C12orf71: variants seen among roughly 807,000 people sequenced by gnomAD.
C12orf71 encodes chromosome 12 open reading frame 71.
C12orf71 carries 10 observed loss-of-function variants against 11.7 expected under a neutral mutation model. That is an observed-to-expected ratio of 0.86 (90% CI 0.53 to 1.45). The LOEUF is 1.45. C12orf71 is among the 40% of genes most tolerant of loss of function. C12orf71 has a pLI of 0.00. For synonymous variants in C12orf71, 110 were observed against 123.4 expected, an observed-to-expected ratio of 0.89 and a Z score of 0.72; for missense variants, 293 against 325.8, an observed-to-expected ratio of 0.90 and a Z score of 0.78.
In C12orf71 at chr12:27,082,346, G is replaced by A. The variant is rs12228215; in HGVS notation, c.138C>T (p.Ser46=). The change falls in exon 1 of 2, where the codon TCC becomes TCT. Residue 46 remains serine, a synonymous_variant. Transcript: ENST00000429849. ...GCAGAAAGTGGATGGAAGGACCCTT[G>A]GAAGGTGCATCTTCCCAGGAGGTTG... ...EDTTSWEDAP[S]KGPSIHFLPP... is the part of the protein sequence containing the mutation. 128,301 of 1,599,322 alleles carry A rather than the reference G, an allele frequency of 0.08. 5,837 individuals carry two copies. The highest frequency in any genetic ancestry group is 0.093 in the Non-Finnish European group (109,164 of 1,173,626).
chr12:27,083,972 A>G (rs1941957712), upstream of C12orf71, among the ~76,000 whole-genome samples: 1 of 152,206 alleles, frequency 6.6e-6, no homozygotes, highest in Non-Finnish European at 1.5e-5. Context: ...GCGCACACAC[A>G]GACACACACA....
chr12:27,083,832 T>C (rs1318555076), upstream of C12orf71, among the ~76,000 whole-genome samples: 11 of 152,246 alleles, frequency 7.2e-5, no homozygotes, highest in Middle Eastern at 6.3e-3. Flanking sequence ...CAAATTACTT[T>C]CCAGAAGGTT....
Position 27,082,066 on chromosome 12 carries a change from T to C in C12orf71, c.418A>G (p.Ile140Val), listed in dbSNP as rs708167. Residue 140 changes from isoleucine (I) to valine (V), a missense_variant, in exon 1 of 2, where the codon ATA becomes GTA. Coordinates refer to ENST00000429849, the MANE Select transcript of C12orf71 (RefSeq NM_001080406.2). ...TCATCTTTCAGATTTTCTAGAAATATCTGAAACTCTTGCACAAGATTATTC... is the reference window on the plus strand; with the variant it reads ...TCATCTTTCAGATTTTCTAGAAATACCTGAAACTCTTGCACAAGATTATTC... ...KLNNLVQEFQ[I>V]FLENLKDDDA... 658,676 of 1,604,590 alleles carry C rather than the reference T, an allele frequency of 0.41. 146,908 individuals are homozygous for C. Among genetic ancestry groups the C allele is most frequent in the Non-Finnish European group, 0.47 (550,632 of 1,174,572 alleles).
At chr12:27,081,574 G>T in intron 1 of C12orf71, 107 bp from the exon 2 acceptor site, 1 of 1,079,954 alleles carries the variant, frequency 9.3e-7, no homozygotes, top group Non-Finnish European at 1.3e-6. Context: ...AATAGCCCAA[G>T]TGTCAATGCA....
chr12:27,081,840 C>T, intron 1 of C12orf71, 128 bp downstream of exon 1: 5 of 1,000,598 alleles, frequency 5.0e-6, no homozygotes, highest in Non-Finnish European at 7.6e-6. Flanking sequence ...TGAGGCATCT[C>T]TGCTCTCCTC....
chr12:27,082,277 G>T lies in C12orf71; in HGVS notation c.207C>A (p.Arg69=). Residue 69 remains arginine (R), a synonymous_variant, in exon 1 of 2, where the codon CGC becomes CGA. Transcript: ENST00000429849. ...CCTGAATTTGGTCTTGTCTCTTCAT[G>T]CGTCTCCCTATCCTTTCAGTCCCCC... The part of the protein sequence containing the change: ...GAWGTERIGR[R]MKRQDQIQDE... The T allele has an allele frequency of 1.9e-6, 3 of 1,609,712 alleles. No homozygotes were observed. Among genetic ancestry groups the T allele is most frequent in the Non-Finnish European group, 2.5e-6 (3 of 1,177,876 alleles).
chr12:27,082,572 T>A lies in C12orf71; in HGVS notation c.-89A>T. 4 of 1,030,046 alleles carry A rather than the reference T, an allele frequency of 3.9e-6. No individual in the cohort carries two copies. The highest frequency in any genetic ancestry group is 5.3e-6 in the Non-Finnish European group (4 of 754,364). 63.8% of individuals were successfully genotyped at this position (1,030,046 alleles called of 1,614,324 possible). A position where few individuals can be genotyped will look rare whatever the true frequency, so the allele number is the denominator to read the frequency against. On this transcript the variant is annotated 5_prime_UTR_variant, in exon 1 of 2. It removes an upstream start codon present in the reference 5' UTR. Coordinates refer to ENST00000429849, the MANE Select transcript of C12orf71 (RefSeq NM_001080406.2). ...GGTGGGACTAAGGAGAAGAGAGTCA[T>A]AGTACTTAAGCAAAAACATTATCCA...
Position 27,082,174 on chromosome 12 carries a change from T to C in C12orf71, c.310A>G (p.Arg104Gly). The change falls in exon 1 of 2, where the codon AGA becomes GGA. Residue 104 changes from arginine (R) to glycine (G), a missense_variant. By Grantham distance (125) the Arg-to-Gly change is moderately radical (BLOSUM62 -2). Coordinates refer to ENST00000429849, the MANE Select transcript of C12orf71 (RefSeq NM_001080406.2). ...TCTCCATTTAGAAGCCTATTAGCTC[T>C]TGAGTCTGTGTTATCGGAGCCAATG... The part of the protein sequence containing the change: ...VDIGSDNTDS[R>G]ANRLLNGDNL... 6.2e-7 allele frequency: 1 copy of C among 1,613,882 alleles called. No homozygotes were observed. Among genetic ancestry groups the C allele is most frequent in the Non-Finnish European group, 8.5e-7 (1 of 1,179,744 alleles).
intron 1 of C12orf71, 54 bp downstream of exon 1, chr12:27,081,914 T>A: frequency 6.6e-7 from 1 of 1,520,798 alleles, no homozygotes; most frequent in Non-Finnish European, 8.9e-7. Context: ...CTTTATTTTC[T>A]GGTGGCTTGC....
upstream of C12orf71, among the ~76,000 whole-genome samples, chr12:27,084,113 C>CT (rs1181846492): frequency 3.9e-5 from 6 of 152,190 alleles, no homozygotes; most frequent in African/African-American, 1.2e-4. Flanking sequence ...AAAAGTCCAG[C>CT]TGTCAGAAGT....
In C12orf71 at chr12:27,081,429, A is replaced by T. The variant is rs202038202; in HGVS notation, c.555T>A (p.Ala185=). The T allele has an allele frequency of 6.2e-7, 1 of 1,613,426 alleles. No homozygotes were observed. The highest frequency in any genetic ancestry group is 1.7e-5 in the Admixed American group (1 of 59,982). Residue 185 remains alanine, a synonymous_variant, in exon 2 of 2, where the codon GCT becomes GCA. Coordinates refer to ENST00000429849, the MANE Select transcript of C12orf71 (RefSeq NM_001080406.2). ...CTGACAGGATTGAGGAGATCTCTGG[A>T]GCGCTTGTCCTTTGGCTGGCGGTTG... is the stretch of plus-strand genomic sequence containing the variant. ...SQATASQRTS[A]PEISSILSEQ... is the part of the protein sequence containing the mutation.
At chr12:27,083,807 T>C (rs1454079591), upstream of C12orf71, among the ~76,000 whole-genome samples, 6 of 152,252 alleles carry the variant, frequency 3.9e-5, no homozygotes, top group Non-Finnish European at 7.3e-5. Flanking sequence ...ATTAAAGTCT[T>C]GTGGTAGTTG....
chr12:27,082,546 A>C lies in C12orf71; in HGVS notation c.-63T>G. ...CTTCAAAAAAGAAAAAAGAAAAAAT[A>C]GGTGGGACTAAGGAGAAGAGAGTCA... On this transcript the variant is annotated 5_prime_UTR_variant, in exon 1 of 2. Transcript: ENST00000429849. The C allele has an allele frequency of 3.8e-6, 5 of 1,328,950 alleles. No homozygotes were observed. The highest frequency in any genetic ancestry group is 5.0e-6 in the Non-Finnish European group (5 of 1,000,882). The allele number at this position is 1,328,950 out of a possible 1,614,324, so 82.3% of individuals were successfully genotyped here. A position where few individuals can be genotyped will look rare whatever the true frequency, so the allele number is the denominator to read the frequency against.
At chr12:27,081,822 C>G in intron 1 of C12orf71, 146 bp downstream of exon 1, 1 of 890,342 alleles carries the variant, frequency 1.1e-6, no homozygotes, top group South Asian at 1.4e-5. Flanking sequence ...CTATCCCTTC[C>G]TGTCCTGTGA....
In C12orf71 at chr12:27,081,756, C is replaced by A. The variant is rs956836704; in HGVS notation, c.516+212G>T. ...TGTCTCCCACTGGTATCACGTCAGT[C>A]CCCCTGGGACCTGCCTCCTCCTAGT... On this transcript the variant is annotated intron_variant, in intron 1 of 1. Transcript: ENST00000429849. 1.8e-5 allele frequency: 13 copies of A among 719,778 alleles called. 1 individual carries two copies. In the South Asian group the frequency reaches 1.9e-4, roughly 11 times the overall value. 44.6% of individuals were successfully genotyped at this position (719,778 alleles called of 1,614,324 possible).
chr12:27,082,530 A>C lies in C12orf71; in HGVS notation c.-47T>G. The C allele has an allele frequency of 7.1e-7, 1 of 1,411,458 alleles. No individual in the cohort carries two copies. Among genetic ancestry groups the C allele is most frequent in the Non-Finnish European group, 9.3e-7 (1 of 1,071,970 alleles). The allele number at this position is 1,411,458 out of a possible 1,614,324, so 87.4% of individuals were successfully genotyped here. On this transcript the variant is annotated 5_prime_UTR_variant, in exon 1 of 2. Transcript: ENST00000429849. ...CTCTCAACTTGAGAAGCTTCAAAAA[A>C]GAAAAAAGAAAAAATAGGTGGGACT...
rs556133776 is a variant in C12orf71 at position 27,081,456 on chromosome 12, C to T, written c.528G>A (p.Gln176=). The T allele has an allele frequency of 5.0e-5, 81 of 1,608,372 alleles. 2 individuals carry two copies. In the South Asian group the frequency reaches 8.8e-4, roughly 18 times the overall value. The change falls in exon 2 of 2, where the codon CAG becomes CAA. Residue 176 remains glutamine (Q), a synonymous_variant. Coordinates refer to ENST00000429849, the MANE Select transcript of C12orf71 (RefSeq NM_001080406.2). ...SPPEMVQMIS[Q]ATASQRTSAP... ...CGCTTGTCCTTTGGCTGGCGGTTGC[C>T]TGGCTTATCATCTGCCATGAAAATG...
At chr12:27,083,669 C>G (rs1941955185), upstream of C12orf71, among the ~76,000 whole-genome samples, 1 of 152,180 alleles carries the variant, frequency 6.6e-6, no homozygotes, top group African/African-American at 2.4e-5. Flanking sequence ...TATATGGTTA[C>G]TCTGCAATTT....
upstream of C12orf71, among the ~76,000 whole-genome samples, chr12:27,082,687 G>A (rs1351532127): frequency 1.3e-5 from 2 of 150,386 alleles, no homozygotes; most frequent in Non-Finnish European, 3.0e-5. Context: ...TTGGCTCACT[G>A]CAACCTCAGC....
Sources: gnomAD v4.1 joint callset for allele counts (sites outside exome capture counted in the v4.1 genomes callset) on GRCh38, gnomAD v4.1.1 for gene constraint, MANE v1.5 for transcripts, NCBI Gene and HGNC (gene_info 2026-07-23, HGNC 2026-07-21) for gene names.